The following C10orf90 variants were observed in gnomAD, a reference collection of about 807,000 sequenced individuals.
The protein encoded by C10orf90 is chromosome 10 open reading frame 90.
In C10orf90, 56 loss-of-function variants were observed where a neutral mutation model predicts 62.5. The observed-to-expected ratio is 0.90, with a 90% CI of 0.72 to 1.12. C10orf90 has a LOEUF of 1.12. C10orf90 is among the 50% of genes most tolerant of loss of function. The pLI is 0.00. For missense variants in C10orf90, 970 were observed against 880.4 expected, an observed-to-expected ratio of 1.10 and a Z score of -1.29; for synonymous variants, 386 against 340.4, an observed-to-expected ratio of 1.13 and a Z score of -1.47.
intron 4 of C10orf90, among the ~76,000 whole-genome samples, chr10:126,468,393 C>T (rs1207115320): frequency 1.3e-5 from 2 of 152,166 alleles, no homozygotes; most frequent in Non-Finnish European, 2.9e-5. Context: ...AAGGTAAGGA[C>T]ATCATTGTAT....
chr10:126,456,797 G>A lies in C10orf90; in HGVS notation c.2188+2243C>T, dbSNP rs1169899670. ...TGGAGACAGAGGCAGAGACTGTAGT[G>A]CCGCATCTACAAACCAAGGAACATC... On this transcript the variant is annotated intron_variant, in intron 7 of 9. Transcript: ENST00000488181. The surrounding 1 kb of genome is among the most constrained non-coding windows in gnomAD (Gnocchi z 4.9). 2.0e-5 allele frequency among the ~76,000 whole-genome samples: 3 copies of A among 152,136 alleles called. No individual in the cohort carries two copies. Among genetic ancestry groups the A allele is most frequent in the African/African-American group, 2.4e-5 (1 of 41,416 alleles).
At chr10:126,516,645 G>A (rs1863452709) in intron 2 of C10orf90, among the ~76,000 whole-genome samples, 1 of 152,212 alleles carries the variant, frequency 6.6e-6, no homozygotes. Context: ...GAGGCGGAGG[G>A]ACTGCCATGA....
intron 1 of C10orf90, among the ~76,000 whole-genome samples, chr10:126,669,602 T>A (rs1190051850): frequency 6.6e-6 from 1 of 152,206 alleles, no homozygotes. Context: ...AAAAGATAAC[T>A]GCTTGTGGCT....
chr10:126,429,843 C>A lies in C10orf90; in HGVS notation c.2196G>T (p.Leu732Phe). ...FTIPHPLSDN[L>F]FKPKERCISE... is the part of the protein sequence containing the mutation. Reference sequence around the variant, plus strand: ...AAATGCACCGTTCTTTGGGTTTGAACAAGTTATCTGGAAAAAATAGAAAGA... The same window carrying A: ...AAATGCACCGTTCTTTGGGTTTGAAAAAGTTATCTGGAAAAAATAGAAAGA... The change falls in exon 8 of 10, where the codon TTG becomes TTT. Residue 732 changes from leucine to phenylalanine, a missense_variant. Coordinates refer to ENST00000488181, the MANE Select transcript of C10orf90 (RefSeq NM_001350921.2). The A allele has an allele frequency of 6.2e-7, 1 of 1,613,792 alleles. No homozygotes were observed. The highest frequency in any genetic ancestry group is 8.5e-7 in the Non-Finnish European group (1 of 1,179,752).
chr10:126,497,007 G>A (rs1031499370), intron 4 of C10orf90, among the ~76,000 whole-genome samples: 28 of 152,224 alleles, frequency 1.8e-4, no homozygotes, highest in African/African-American at 6.8e-4. Flanking sequence ...TACCTGCATA[G>A]CAAGGAGACC....
At chr10:126,612,226 C>T (rs1038107289) in intron 2 of C10orf90, among the ~76,000 whole-genome samples, 3 of 152,128 alleles carry the variant, frequency 2.0e-5, no homozygotes, top group African/African-American at 7.2e-5. Flanking sequence ...GTGGCTGAGG[C>T]AGGAGAATTG....
intron 2 of C10orf90, among the ~76,000 whole-genome samples, chr10:126,643,008 T>C (rs1467240220): frequency 6.6e-6 from 1 of 152,210 alleles, no homozygotes; most frequent in Non-Finnish European, 1.5e-5. Flanking sequence ...CCAGAAGTTC[T>C]AGCCACCATA....
chr10:126,552,868 A>G (rs1487570493), intron 2 of C10orf90, among the ~76,000 whole-genome samples: 4 of 152,254 alleles, frequency 2.6e-5, no homozygotes. Context: ...GAATTAATGA[A>G]TGGAAAACAT....
chr10:126,463,878 T>C (rs978936061), intron 5 of C10orf90, among the ~76,000 whole-genome samples: 27 of 152,102 alleles, frequency 1.8e-4, no homozygotes, highest in African/African-American at 6.5e-4. Flanking sequence ...TGGCATACAG[T>C]AGGTGCTTAA....
rs773456724 is a variant in C10orf90 at position 126,459,081 on chromosome 10, C to T, written c.2147G>A (p.Arg716His). ...AATCGTGAACTGCTTCTTGCTGGTG[C>T]GGATGGGAAGGAGGCTCTGCTTCTG... Reference protein sequence around the residue: ...LRQKQSLLPIRTSKKQFTIPH... With the variant: ...LRQKQSLLPIHTSKKQFTIPH... Residue 716 changes from arginine (R) to histidine (H), a missense_variant, in exon 7 of 10, where the codon CGC becomes CAC. By Grantham distance (29) the Arg-to-His change is conservative. Transcript: ENST00000488181. 8.1e-6 allele frequency: 13 copies of T among 1,613,814 alleles called. No individual in the cohort carries two copies. Among genetic ancestry groups the T allele is most frequent in the African/African-American group, 4.0e-5 (3 of 75,048 alleles).
intron 2 of C10orf90, among the ~76,000 whole-genome samples, chr10:126,625,288 A>T (rs1330948211): frequency 6.6e-6 from 1 of 152,182 alleles, no homozygotes; most frequent in South Asian, 2.1e-4. Context: ...CAAGACACTC[A>T]TCACACAGAG....
Position 126,636,566 on chromosome 10 carries a change from T to A in C10orf90, c.313+9999A>T, listed in dbSNP as rs567146024. 2.6e-5 allele frequency among the ~76,000 whole-genome samples: 4 copies of A among 152,308 alleles called. No homozygotes were observed. In the South Asian group the frequency reaches 8.3e-4, roughly 32 times the overall value. On this transcript the variant is annotated intron_variant, in intron 2 of 9. Transcript: ENST00000488181. ...TTTGGCAGTTGCTTCACTCCACCTG[T>A]CCTTGTCTCCTCCAGCTCTGCCACA...
rs1859966796 is a variant in C10orf90, at chr10:126,461,399, A to C, written c.2010+2T>G. ...CAAGCCAGGACACACAGAAGGCCTT[A>C]CTTGCAAGGTCAAAGATCTTGCAGG... is the stretch of plus-strand genomic sequence containing the variant. On this transcript the variant is annotated splice_donor_variant, in intron 6 of 9. Transcript: ENST00000488181. LOFTEE classifies it high-confidence loss of function. 1 of 1,613,880 alleles carries C rather than the reference A, an allele frequency of 6.2e-7. No individual in the cohort carries two copies. The highest frequency in any genetic ancestry group is 1.3e-5 in the African/African-American group (1 of 75,034).
At chr10:126,651,232 A>G (rs1591175693) in intron 1 of C10orf90, among the ~76,000 whole-genome samples, 1 of 152,172 alleles carries the variant, frequency 6.6e-6, no homozygotes, top group East Asian at 1.9e-4. Context: ...CTGAGTACTC[A>G]CTATGGATCC....
intron 2 of C10orf90, among the ~76,000 whole-genome samples, chr10:126,540,253 A>G (rs1455352929): frequency 6.6e-6 from 1 of 152,248 alleles, no homozygotes; most frequent in East Asian, 1.9e-4. Flanking sequence ...TTTCTAGATG[A>G]AAAAGTAAAA....
At chr10:126,539,621 G>GA (rs1187268933) in intron 2 of C10orf90, among the ~76,000 whole-genome samples, 2 of 151,988 alleles carry the variant, frequency 1.3e-5, no homozygotes, top group Non-Finnish European at 2.9e-5. Flanking sequence ...AAAACCTAGG[G>GA]AAAAAAACTT....
chr10:126,588,099 A>G (rs1452988755), intron 2 of C10orf90, among the ~76,000 whole-genome samples: 1 of 152,182 alleles, frequency 6.6e-6, no homozygotes, highest in African/African-American at 2.4e-5. Context: ...TTCCCAGGGG[A>G]AGGGGTGGCT....
At chr10:126,462,429 C>G (rs1011734052) in intron 5 of C10orf90, among the ~76,000 whole-genome samples, 3 of 152,114 alleles carry the variant, frequency 2.0e-5, no homozygotes, top group Non-Finnish European at 2.9e-5. Context: ...CAGTGGACTC[C>G]CACCCTCCAG....
At chr10:126,573,793 A>G (rs1048682576) in intron 2 of C10orf90, among the ~76,000 whole-genome samples, 1 of 152,206 alleles carries the variant, frequency 6.6e-6, no homozygotes, top group African/African-American at 2.4e-5. Context: ...GAGGAAACTC[A>G]GAAAGTATTT....
Sources: allele counts gnomAD v4.1 joint callset (sites outside exome capture counted in the v4.1 genomes callset), GRCh38; gene constraint gnomAD v4.1.1; non-coding constraint Gnocchi (gnomAD v3.1); transcripts MANE v1.5; gene names NCBI Gene and HGNC (gene_info 2026-07-23, HGNC 2026-07-21).